The following EZH2 variants were observed in gnomAD, a reference collection of about 807,000 sequenced individuals.
EZH2 encodes histone-lysine N-methyltransferase EZH2.
A neutral mutation model predicts 98.4 loss-of-function variants in EZH2; 18 were observed. The observed-to-expected ratio is 0.18, with a 90% CI of 0.13 to 0.27. The LOEUF is 0.27. Among genes scored for constraint, EZH2 ranks in the 10% least tolerant of loss-of-function variants. The probability of loss-of-function intolerance (pLI) is 1.00; values close to 1 mark genes in which losing one functional copy is unlikely to be tolerated. For missense variants in EZH2, 470 were observed against 935.1 expected (o/e 0.50, Z 6.49); for synonymous variants, 338 against 312.3 (o/e 1.08, Z -0.87).
At chr7:148,876,151 G>A (rs1820133995) in intron 1 of EZH2, 2 of 152,150 alleles carry the variant, frequency 1.3e-5, no homozygotes, top group Non-Finnish European at 2.9e-5. Context: ...GCTGGGTGTG[G>A]TGGCAGACGC....
At chr7:148,880,250 T>A (rs568614958) in intron 1 of EZH2, among the ~76,000 whole-genome samples, 29 of 152,354 alleles carry the variant, frequency 1.9e-4, no homozygotes, top group African/African-American at 5.8e-4. Context: ...AATTTGCTAA[T>A]CTGTATTTAA....
At chr7:148,821,822 CTG>C (rs2129473330) in intron 8 of EZH2, among the ~76,000 whole-genome samples, 1 of 152,306 alleles carries the variant, frequency 6.6e-6, no homozygotes, top group East Asian at 1.9e-4. Context: ...GAGCAAGACC[CTG>C]TGTATGTATG....
At chr7:148,869,103 A>C (rs1818949457) in intron 1 of EZH2, among the ~76,000 whole-genome samples, 1 of 151,190 alleles carries the variant, frequency 6.6e-6, no homozygotes, top group South Asian at 2.1e-4. Context: ...GCAGAGACAC[A>C]AGCAAGATAA....
chr7:148,849,976 A>G (rs1351304567), intron 1 of EZH2, among the ~76,000 whole-genome samples: 2 of 152,156 alleles, frequency 1.3e-5, no homozygotes, highest in African/African-American at 4.8e-5. Flanking sequence ...GGCCTAGGGT[A>G]GTAACGTGTT....
chr7:148,821,881 T>C (rs1005017768), intron 8 of EZH2, among the ~76,000 whole-genome samples: 5 of 152,144 alleles, frequency 3.3e-5, no homozygotes. Context: ...AATAAATTTA[T>C]ATAGAAAAAC....
intron 1 of EZH2, chr7:148,850,421 C>A (rs1815416058): frequency 1.1e-6 from 1 of 899,992 alleles, no homozygotes. Flanking sequence ...TTCTGGAAGA[C>A]TTTCCATGCT....
intron 7 of EZH2, among the ~76,000 whole-genome samples, chr7:148,826,846 GATATT>G (rs535128406): frequency 1.2e-4 from 19 of 152,216 alleles, no homozygotes; most frequent in African/African-American, 4.3e-4. Context: ...CATGGAAAAG[GATATT>G]ATATTAGTTT....
chr7:148,846,399 A>T, intron 3 of EZH2, 71 bp downstream of exon 3: 1 of 1,537,124 alleles, frequency 6.5e-7, no homozygotes, highest in Non-Finnish European at 8.8e-7. Flanking sequence ...CCTCCCAATA[A>T]CCAAACAAAT....
At chr7:148,858,650 G>A (rs567087018) in intron 1 of EZH2, among the ~76,000 whole-genome samples, 4 of 152,208 alleles carry the variant, frequency 2.6e-5, no homozygotes, top group Admixed American at 6.5e-5. Context: ...TCAGCCTCTC[G>A]AGTAGCTGGG....
At position 148,813,207 on chromosome 7, in the gene EZH2, G is replaced by A. The variant is rs139031465; in HGVS notation, c.1851+752C>T. Among the ~76,000 whole-genome samples the A allele has an allele frequency of 3.0e-3, 456 of 152,100 alleles. 1 individual carries two copies. Among genetic ancestry groups the A allele is most frequent in the African/African-American group, 0.01 (426 of 41,468 alleles). On this transcript the variant is annotated intron_variant, in intron 15 of 19. Transcript: ENST00000320356. ...TTAACACTTACTCCTCACTCACAGG[G>A]TTAGGAGAATCAATGAACAAATCCA...
At chr7:148,864,960 C>A (rs1818226389) in intron 1 of EZH2, among the ~76,000 whole-genome samples, 1 of 152,012 alleles carries the variant, frequency 6.6e-6, no homozygotes, top group Non-Finnish European at 1.5e-5. Flanking sequence ...AACCCCATCT[C>A]TACTAAAAAT....
At chr7:148,857,225 T>G (rs1816963317) in intron 1 of EZH2, among the ~76,000 whole-genome samples, 1 of 151,886 alleles carries the variant, frequency 6.6e-6, no homozygotes, top group South Asian at 2.1e-4. Context: ...TCATGAAAAA[T>G]AAGGAAATGC....
At chr7:148,871,659 C>T (rs558077698) in intron 1 of EZH2, among the ~76,000 whole-genome samples, 23 of 151,354 alleles carry the variant, frequency 1.5e-4, no homozygotes, top group South Asian at 1.2e-3. Context: ...ACTGCAGCCT[C>T]GACCTCCCAG....
intron 3 of EZH2, among the ~76,000 whole-genome samples, chr7:148,841,341 TTA>T (rs1812383826): frequency 6.6e-6 from 1 of 152,084 alleles, no homozygotes; most frequent in South Asian, 2.1e-4. Context: ...GATTTACAAG[TTA>T]TACAGGTGGG....
At chr7:148,808,464 G>T (rs887896191) in intron 19 of EZH2, among the ~76,000 whole-genome samples, 1 of 152,232 alleles carries the variant, frequency 6.6e-6, no homozygotes, top group Non-Finnish European at 1.5e-5. Flanking sequence ...ACTTAAATCT[G>T]TATTCAATGG....
At chr7:148,836,733 ACTAGAATCATTAC>A in intron 3 of EZH2, 1 of 413,248 alleles carries the variant, frequency 2.4e-6, no homozygotes, top group African/African-American at 2.1e-5. Flanking sequence ...GATGGGGGGG[ACTAGAATCATTAC>A]CAAGGATGCT....
Position 148,826,450 on chromosome 7 carries a change from G to C in EZH2, c.907+4C>G. On this transcript the variant is annotated splice_donor_region_variant and intron_variant, in intron 8 of 19. Coordinates refer to ENST00000320356, the MANE Select transcript of EZH2 (RefSeq NM_004456.5). ...CACAACAAAGATAGAAAATGAAAACGTACAATAATTGCACTTACGATGTAG... is the reference window on the plus strand; with the variant it reads ...CACAACAAAGATAGAAAATGAAAACCTACAATAATTGCACTTACGATGTAG... The C allele has an allele frequency of 6.4e-7, 1 of 1,553,988 alleles. No homozygotes were observed. The highest frequency in any genetic ancestry group is 8.7e-7 in the Non-Finnish European group (1 of 1,146,080).
intron 3 of EZH2, among the ~76,000 whole-genome samples, chr7:148,845,443 C>T (rs952691192): frequency 7.2e-5 from 11 of 152,134 alleles, no homozygotes; most frequent in Non-Finnish European, 1.3e-4. Flanking sequence ...CCTAACAAAA[C>T]GCATAAATGA....
At chr7:148,830,030 A>G (rs184564284) in intron 4 of EZH2, among the ~76,000 whole-genome samples, 182 bp from the exon 5 acceptor site, 46 of 152,332 alleles carry the variant, frequency 3.0e-4, no homozygotes, top group Non-Finnish European at 4.7e-4. Context: ...ACCAATAAGC[A>G]TATCTGAGAA....
Sources: allele counts gnomAD v4.1 joint callset (sites outside exome capture counted in the v4.1 genomes callset), GRCh38; gene constraint gnomAD v4.1.1; transcripts MANE v1.5; gene names NCBI Gene and HGNC (gene_info 2026-07-23, HGNC 2026-07-21).